Variants in ACOT11 observed in about 807,000 individuals in gnomAD.
The protein encoded by ACOT11 is acyl-coenzyme A thioesterase 11.
ACOT11 carries 69 observed loss-of-function variants against 77.5 expected under a neutral mutation model. The observed-to-expected ratio is 0.89, with a 90% CI of 0.73 to 1.09. The LOEUF (loss-of-function observed/expected upper bound fraction) is 1.09. Ranked by LOEUF, ACOT11 falls within the 50% of genes least tolerant of loss-of-function variation. The pLI is 0.00. For synonymous variants in ACOT11, 279 were observed against 313.0 expected, an observed-to-expected ratio of 0.89 and a Z score of 1.15; for missense variants, 766 against 813.7, an observed-to-expected ratio of 0.94 and a Z score of 0.71.
chr1:54,566,980 C>A (rs748126968), intron 1 of ACOT11, among the ~76,000 whole-genome samples: 13 of 152,138 alleles, frequency 8.5e-5, no homozygotes, highest in Non-Finnish European at 1.8e-4. Flanking sequence ...TAGACTCTAC[C>A]TTTGAATGGG....
downstream of ACOT11, among the ~76,000 whole-genome samples, chr1:54,614,049 G>T (rs568026871): frequency 6.6e-6 from 1 of 152,304 alleles, no homozygotes; most frequent in South Asian, 2.1e-4. Flanking sequence ...AAACAGTTCT[G>T]GGACACATAA....
chr1:54,585,505 C>T (rs962208499), intron 2 of ACOT11, among the ~76,000 whole-genome samples: 1 of 152,216 alleles, frequency 6.6e-6, no homozygotes, highest in Non-Finnish European at 1.5e-5. Flanking sequence ...ATCACTCATT[C>T]AACAGCTACT....
Position 54,629,179 on chromosome 1 carries a change from A to T in ACOT11, c.1630-1555A>T, listed in dbSNP as rs184543029. Reference sequence around the variant, plus strand: ...TCAACAACCCCAAAAATCATAAGAAAATAAGGCACCATGGGTGAAAACCAA... The same window carrying T: ...TCAACAACCCCAAAAATCATAAGAATATAAGGCACCATGGGTGAAAACCAA... On this transcript the variant is annotated intron_variant, in intron 15 of 16. Transcript: ENST00000371316. Among the ~76,000 whole-genome samples the T allele has an allele frequency of 1.1e-3, 150 of 134,682 alleles. 21 individuals are homozygous for T. Among genetic ancestry groups the T allele is most frequent in the African/African-American group, 3.7e-3 (145 of 39,684 alleles). The allele number at this position is 134,682 out of a possible 152,430, so 88.4% of individuals were successfully genotyped here.
At chr1:54,581,427 G>A (rs1414000489) in intron 1 of ACOT11, among the ~76,000 whole-genome samples, 2 of 152,130 alleles carry the variant, frequency 1.3e-5, no homozygotes, top group Non-Finnish European at 2.9e-5. Flanking sequence ...GGGTGGCCCT[G>A]GGCCAGCTTT....
rs764063559 is a variant in ACOT11 at position 54,608,003 on chromosome 1, T to C, written c.1564T>C (p.Tyr522His). ...GCCCACACACCGAGAGACGCCAGAGTACAGACGCGGAGAGACCCTCTGCTC... is the reference window on the plus strand; with the variant it reads ...GCCCACACACCGAGAGACGCCAGAGCACAGACGCGGAGAGACCCTCTGCTC... ...TLPTHRETPE[Y>H]RRGETLCSGF... Residue 522 changes from tyrosine to histidine, a missense_variant, in exon 15 of 16, where the codon TAC (tyrosine) becomes CAC (histidine). Transcript: ENST00000343744. The C allele has an allele frequency of 6.2e-7, 1 of 1,611,250 alleles. No homozygotes were observed. The highest frequency in any genetic ancestry group is 1.1e-5 in the South Asian group (1 of 90,920).
chr1:54,619,945 G>T (rs1557674081), intron 15 of ACOT11: 1 of 1,614,038 alleles, frequency 6.2e-7, no homozygotes, highest in African/African-American at 1.3e-5. Flanking sequence ...CGGCTGATCT[G>T]GCCCAGGCTC....
At position 54,609,658 on chromosome 1, in the gene ACOT11, G is replaced by C; in HGVS notation, c.*546G>C. On this transcript the variant is annotated 3_prime_UTR_variant, in exon 16 of 16. Coordinates refer to ENST00000343744, the MANE Select transcript of ACOT11 (RefSeq NM_147161.4). ...TAAGCAGCTCTCTGCCAGCCACATG[G>C]CCGGGGACCGAAAAACTCCCGTGGG... 2 of 1,613,960 alleles carry C rather than the reference G, an allele frequency of 1.2e-6. No homozygotes were observed. Among genetic ancestry groups the C allele is most frequent in the Non-Finnish European group, 1.7e-6 (2 of 1,180,040 alleles).
At chr1:54,552,285 A>G (rs1271584376) in intron 1 of ACOT11, among the ~76,000 whole-genome samples, 6 of 152,146 alleles carry the variant, frequency 3.9e-5, no homozygotes, top group African/African-American at 1.4e-4. Flanking sequence ...CCTTAGACAT[A>G]AAATGATGGG....
At chr1:54,577,399 T>G (rs514628) in intron 1 of ACOT11, among the ~76,000 whole-genome samples, 18,172 of 152,226 alleles carry the variant, frequency 0.12, 2,589 homozygotes, top group African/African-American at 0.34. Flanking sequence ...GACTTTTTGT[T>G]TCTGGTATGT....
intron 15 of ACOT11, among the ~76,000 whole-genome samples, chr1:54,626,469 A>C (rs1454164878): frequency 6.6e-6 from 1 of 150,694 alleles, no homozygotes; most frequent in African/African-American, 2.4e-5. Context: ...AGTGTCCCAC[A>C]TTTTAATTTC....
chr1:54,621,035 C>T (rs1261939240), intron 15 of ACOT11, among the ~76,000 whole-genome samples: 1 of 151,516 alleles, frequency 6.6e-6, no homozygotes, highest in Non-Finnish European at 1.5e-5. Context: ...GTGGCATGCG[C>T]CTGTAATCCC....
chr1:54,623,887 T>C (rs1408110109), intron 15 of ACOT11, among the ~76,000 whole-genome samples: 3 of 152,232 alleles, frequency 2.0e-5, no homozygotes, highest in Non-Finnish European at 1.5e-5. Flanking sequence ...CTTTCTGCCC[T>C]GCCCTCAGGG....
intron 6 of ACOT11, among the ~76,000 whole-genome samples, chr1:54,595,037 A>G (rs939956020): frequency 4.6e-5 from 7 of 152,200 alleles, no homozygotes; most frequent in African/African-American, 1.7e-4. Context: ...GCATATATAT[A>G]TGTATGCATC....
chr1:54,570,042 C>T (rs1393464060), intron 1 of ACOT11, among the ~76,000 whole-genome samples: 1 of 152,172 alleles, frequency 6.6e-6, no homozygotes, highest in Non-Finnish European at 1.5e-5. Context: ...CCATTCCTAA[C>T]CCAGTGGTCT....
intron 3 of ACOT11, among the ~76,000 whole-genome samples, chr1:54,588,594 G>A (rs1654588884): frequency 6.6e-6 from 1 of 152,140 alleles, no homozygotes; most frequent in Admixed American, 6.5e-5. Flanking sequence ...ACTGAGGGTA[G>A]TCAAGGGGGG....
At position 54,548,932 on chromosome 1, in the gene ACOT11, G is replaced by A. The variant is rs146828460; in HGVS notation, c.33+590G>A. Among the ~76,000 whole-genome samples the A allele has an allele frequency of 6.6e-5, 10 of 152,330 alleles. No individual in the cohort carries two copies. The East Asian group carries it at 1.7e-3, about 26-fold the overall frequency. ...CTGAGATTAGTTGCTGAGGCACACG[G>A]CAGACCCAAGTGCCCAGCAGCGCCT... On this transcript the variant is annotated intron_variant, in intron 1 of 15. Coordinates refer to ENST00000343744, the MANE Select transcript of ACOT11 (RefSeq NM_147161.4).
rs1386794990 is a variant in ACOT11 at position 54,630,178 on chromosome 1, C to T, written c.1630-556C>T. 3.2e-5 allele frequency among the ~76,000 whole-genome samples: 4 copies of T among 126,800 alleles called. 1 individual carries two copies. Among genetic ancestry groups the T allele is most frequent in the East Asian group, 2.6e-4 (1 of 3,784 alleles). 83.2% of individuals were successfully genotyped at this position (126,800 alleles called of 152,430 possible). A position where few individuals can be genotyped will look rare whatever the true frequency, so the allele number is the denominator to read the frequency against. ...CCTCCCAAAGTGCTGGGATTACAGG[C>T]GTGAGCCACTGCGCCTGGCCTGTTT... On this transcript the variant is annotated intron_variant, in intron 15 of 16. Coordinates refer to the ACOT11 transcript ENST00000371316.
chr1:54,614,191 A>G (rs745529775), downstream of ACOT11, among the ~76,000 whole-genome samples: 2 of 152,200 alleles, frequency 1.3e-5, no homozygotes, highest in African/African-American at 4.8e-5. Context: ...ACTGTAGAGC[A>G]CTGTGCAACT....
intron 3 of ACOT11, 112 bp from the exon 4 acceptor site, chr1:54,592,434 C>G: frequency 1.9e-6 from 2 of 1,028,348 alleles, no homozygotes; most frequent in Non-Finnish European, 1.4e-6. Context: ...GCCCTGCAAG[C>G]CATGAAGTTA....
Sources: allele counts gnomAD v4.1 joint callset (sites outside exome capture counted in the v4.1 genomes callset), GRCh38; gene constraint gnomAD v4.1.1; transcripts MANE v1.5; gene names NCBI Gene and HGNC (gene_info 2026-07-23, HGNC 2026-07-21).